NBAS: variants seen among roughly 807,000 people sequenced by gnomAD.
NBAS encodes NBAS subunit of NRZ tethering complex.
NBAS carries 219 observed loss-of-function variants against 302.5 expected under a neutral mutation model. That is an observed-to-expected ratio of 0.72 (90% CI 0.65 to 0.81). The LOEUF (loss-of-function observed/expected upper bound fraction) is 0.81, where lower values mean the gene tolerates loss of function less well. NBAS is among the 30% of genes least tolerant of loss of function. The pLI, the probability that NBAS is intolerant of heterozygous loss-of-function variation, is 0.00. For missense variants in NBAS, 2,932 were observed against 2,841.6 expected (o/e 1.03, Z -0.72); for synonymous variants, 1,118 against 1,021.6 (o/e 1.09, Z -1.80).
intron 48 of NBAS, among the ~76,000 whole-genome samples, chr2:15,215,540 T>C (rs143628529): frequency 3.9e-5 from 6 of 152,228 alleles, no homozygotes; most frequent in African/African-American, 1.4e-4. Flanking sequence ...TTCTTATCCT[T>C]ACTCTGTAAG....
the NBAS span, among the ~76,000 whole-genome samples, chr2:15,119,137 CTG>C: frequency 7.2e-5 from 11 of 152,164 alleles, no homozygotes; most frequent in South Asian, 1.7e-3. Context: ...GAGAATTCCT[CTG>C]TGTCTCTAGG....
chr2:15,393,819 A>G, intron 28 of NBAS: 1 of 438,684 alleles, frequency 2.3e-6, no homozygotes, highest in Admixed American at 2.8e-5. Context: ...TCACAAAATA[A>G]TTATACTGAG....
At chr2:15,095,877 C>T in the NBAS span, among the ~76,000 whole-genome samples, 1 of 152,192 alleles carries the variant, frequency 6.6e-6, no homozygotes, top group African/African-American at 2.4e-5. Flanking sequence ...CATCAGAAGG[C>T]AGAAACGGCA....
chr2:15,083,337 G>A, the NBAS span, among the ~76,000 whole-genome samples: 4 of 152,196 alleles, frequency 2.6e-5, no homozygotes, highest in African/African-American at 9.7e-5. Flanking sequence ...GTAGCCATGT[G>A]GGTGCCCAAA....
At chr2:14,820,948 G>A in the NBAS span, among the ~76,000 whole-genome samples, 7 of 148,290 alleles carry the variant, frequency 4.7e-5, no homozygotes, top group African/African-American at 1.8e-4. Flanking sequence ...TTTTTTTTCC[G>A]AGACGGAGTC....
At chr2:15,410,164 T>C (rs1676614115) in intron 25 of NBAS, among the ~76,000 whole-genome samples, 1 of 152,244 alleles carries the variant, frequency 6.6e-6, no homozygotes. Context: ...TAAAGAGCCA[T>C]GGCATTATAT....
chr2:14,902,573 T>C, the NBAS span, among the ~76,000 whole-genome samples: 1 of 152,102 alleles, frequency 6.6e-6, no homozygotes, highest in Non-Finnish European at 1.5e-5. Context: ...CATTGGAAAA[T>C]GGCCAGGGAG....
the NBAS span, among the ~76,000 whole-genome samples, chr2:14,956,303 C>T: frequency 6.6e-6 from 1 of 152,188 alleles, no homozygotes; most frequent in Non-Finnish European, 1.5e-5. Context: ...CAAACTTTCC[C>T]ATATCTTTCT....
In NBAS at chr2:15,558,615, T is replaced by C. The variant is rs1558438425; in HGVS notation, c.137A>G (p.His46Arg). ...TEVQPRGNQK[H>R]GASFIITKAI... ...TTTCGTGATGATAAAGGATGCACCATGTTTTTGGTTGCCTCTAGGCTGGAA... is the reference window on the plus strand; with the variant it reads ...TTTCGTGATGATAAAGGATGCACCACGTTTTTGGTTGCCTCTAGGCTGGAA... Residue 46 changes from histidine (H) to arginine (R), a missense_variant, in exon 2 of 52, where the codon CAT (histidine) becomes CGT (arginine). His to Arg is a conservative substitution (Grantham distance 29). Transcript: ENST00000281513. 8 of 1,613,052 alleles carry C rather than the reference T, an allele frequency of 5.0e-6. No homozygotes were observed. The highest frequency in any genetic ancestry group is 6.8e-6 in the Non-Finnish European group (8 of 1,179,484).
chr2:14,929,644 C>G, the NBAS span, among the ~76,000 whole-genome samples: 9 of 152,294 alleles, frequency 5.9e-5, no homozygotes, highest in East Asian at 1.5e-3. Context: ...TCCCAAAGTG[C>G]TGGGATTACA....
chr2:14,860,510 A>G, the NBAS span, among the ~76,000 whole-genome samples: 1 of 152,222 alleles, frequency 6.6e-6, no homozygotes, highest in Non-Finnish European at 1.5e-5. Flanking sequence ...ATAAAAATGA[A>G]TGATATCCTT....
At chr2:14,993,253 CAA>C in the NBAS span, among the ~76,000 whole-genome samples, 2 of 152,134 alleles carry the variant, frequency 1.3e-5, no homozygotes, top group African/African-American at 4.8e-5. Context: ...CTAAATTGAC[CAA>C]AGTCACTATT....
Position 15,561,189 on chromosome 2 carries a change from T to C in NBAS, c.116A>G (p.Gln39Arg), listed in dbSNP as rs201077584. 2.5e-6 allele frequency: 4 copies of C among 1,612,762 alleles called. No individual in the cohort carries two copies. The highest frequency in any genetic ancestry group is 2.5e-6 in the Non-Finnish European group (3 of 1,179,426). The change falls in exon 1 of 52, where the codon CAG becomes CGG. Residue 39 changes from glutamine (Q) to arginine (R), a missense_variant and splice_region_variant. Gln to Arg is a conservative substitution (Grantham distance 43). Coordinates refer to ENST00000281513, the MANE Select transcript of NBAS (RefSeq NM_015909.4). ...NTEWPPETEV[Q>R]PRGNQKHGAS... ...CTGCTGTAGATGGGCCTGGTTCACC[T>C]GTACTTCAGTCTCCGGTGGCCACTC...
intron 14 of NBAS, among the ~76,000 whole-genome samples, chr2:15,475,226 G>C (rs189267659): frequency 2.0e-5 from 3 of 152,270 alleles, no homozygotes; most frequent in Admixed American, 1.3e-4. Context: ...TGTTACCCTT[G>C]AAAGGCTTAA....
At chr2:15,284,876 T>C (rs950809574) in intron 42 of NBAS, among the ~76,000 whole-genome samples, 22 of 152,216 alleles carry the variant, frequency 1.4e-4, no homozygotes, top group Admixed American at 1.4e-3. Flanking sequence ...TTCCTGCTTT[T>C]GTAATTGCTG....
the NBAS span, among the ~76,000 whole-genome samples, chr2:15,145,810 A>G: frequency 2.0e-5 from 3 of 152,082 alleles, no homozygotes; most frequent in African/African-American, 7.3e-5. Context: ...CTGGATCAGA[A>G]ATTCTGGGGT....
chr2:14,799,978 T>C, the NBAS span, among the ~76,000 whole-genome samples: 1 of 152,178 alleles, frequency 6.6e-6, no homozygotes, highest in Non-Finnish European at 1.5e-5. Flanking sequence ...GTAGTCAACA[T>C]ATACTTCAGG....
chr2:15,014,572 C>T, the NBAS span, among the ~76,000 whole-genome samples: 48 of 151,784 alleles, frequency 3.2e-4, 1 homozygote, highest in South Asian at 8.9e-3. Flanking sequence ...TAAAATTCCT[C>T]GAAACAAATA....
At chr2:14,800,025 T>C in the NBAS span, among the ~76,000 whole-genome samples, 1 of 152,244 alleles carries the variant, frequency 6.6e-6, no homozygotes, top group Non-Finnish European at 1.5e-5. Context: ...ACCTTTTAAA[T>C]GGAATGCATA....
Sources: gnomAD v4.1 joint callset for allele counts (sites outside exome capture counted in the v4.1 genomes callset) on GRCh38, gnomAD v4.1.1 for gene constraint, MANE v1.5 for transcripts, NCBI Gene and HGNC (gene_info 2026-07-23, HGNC 2026-07-21) for gene names.